The following FITM1 variants were observed in gnomAD, a reference collection of about 807,000 sequenced individuals.
The protein encoded by FITM1 is fat storage-inducing transmembrane protein 1.
Under a neutral mutation model 22.2 loss-of-function variants are expected in FITM1, and 11 were observed. That is an observed-to-expected ratio of 0.50 (90% CI 0.31 to 0.82). The LOEUF is 0.82. FITM1 is among the 40% of genes least tolerant of loss of function. The probability of loss-of-function intolerance (pLI) is 0.04; values close to 1 mark genes in which losing one functional copy is unlikely to be tolerated. For synonymous variants in FITM1, 164 were observed against 174.0 expected, an observed-to-expected ratio of 0.94 and a Z score of 0.45; for missense variants, 394 against 386.4, an observed-to-expected ratio of 1.02 and a Z score of -0.17.
rs1052207890 is a variant in FITM1 at position 24,131,419 on chromosome 14, C to T, written c.-145C>T. On this transcript the variant is annotated 5_prime_UTR_variant, in exon 1 of 2. Coordinates refer to ENST00000267426, the MANE Select transcript of FITM1 (RefSeq NM_203402.3). ...ACCCTGGCCCCTTACTGCCCCCCGCCCCTCTCCCCCACCTGCCAGCTGCCA... is the reference window on the plus strand; with the variant it reads ...ACCCTGGCCCCTTACTGCCCCCCGCTCCTCTCCCCCACCTGCCAGCTGCCA... 12 of 833,302 alleles carry T rather than the reference C, an allele frequency of 1.4e-5. No individual in the cohort carries two copies. Among genetic ancestry groups the T allele is most frequent in the Non-Finnish European group, 2.2e-5 (11 of 505,732 alleles). 51.6% of individuals were successfully genotyped at this position (833,302 alleles called of 1,614,324 possible).
At position 24,132,236 on chromosome 14, in the gene FITM1, T is replaced by A; in HGVS notation, c.292T>A (p.Trp98Arg). Residue 98 changes from tryptophan (W) to arginine (R), a missense_variant, in exon 2 of 2, where the codon TGG becomes AGG. Transcript: ENST00000267426. ...AAAATTTGTGAATTCAGCCTGGGGCTGGACATGCACTTTCTTAGGGGGCTT... is the reference window on the plus strand; with the variant it reads ...AAAATTTGTGAATTCAGCCTGGGGCAGGACATGCACTTTCTTAGGGGGCTT... ...NIKFVNSAWG[W>R]TCTFLGGFVL... The A allele has an allele frequency of 6.2e-7, 1 of 1,612,122 alleles. No homozygotes were observed. Among genetic ancestry groups the A allele is most frequent in the Non-Finnish European group, 8.5e-7 (1 of 1,179,470 alleles).
At position 24,132,752 on chromosome 14, in the gene FITM1, C is replaced by T. The variant is rs1454189068; in HGVS notation, c.808C>T (p.Gln270Ter). The T allele has an allele frequency of 6.2e-7, 1 of 1,613,596 alleles. No homozygotes were observed. Among genetic ancestry groups the T allele is most frequent in the Admixed American group, 1.7e-5 (1 of 59,856 alleles). ...WYLTYGSWYH[Q>*]PWSPGSPGHG... Reference sequence around the variant, plus strand: ...CCTCACCTATGGCAGCTGGTATCATCAGCCCTGGTCTCCAGGGAGCCCAGG... The same window carrying T: ...CCTCACCTATGGCAGCTGGTATCATTAGCCCTGGTCTCCAGGGAGCCCAGG... Residue 270 changes from glutamine to a stop codon, truncating the protein, a stop_gained, in exon 2 of 2, where the codon CAG becomes TAG. Coordinates refer to ENST00000267426, the MANE Select transcript of FITM1 (RefSeq NM_203402.3). LOFTEE classifies it high-confidence loss of function.
At chr14:24,132,157 C>T (rs1489957066) in intron 1 of FITM1, 54 bp from the exon 2 acceptor site, 1 of 1,592,800 alleles carries the variant, frequency 6.3e-7, no homozygotes, top group African/African-American at 1.4e-5. Context: ...GGAGCACAGA[C>T]CAGGGTGGGA....
Position 24,131,157 on chromosome 14 carries a change from A to C in FITM1, c.-407A>C. ...AAAAAACGACTTTCAAGGTTTGGTT[A>C]TTTTTATCTCCATGACCTCTGATTT... On this transcript the variant is annotated 5_prime_UTR_variant, in exon 1 of 2. Transcript: ENST00000267426. 3 of 524,206 alleles carry C rather than the reference A, an allele frequency of 5.7e-6. 1 individual carries two copies. The highest frequency in any genetic ancestry group is 6.0e-5 in the South Asian group (2 of 33,172). 32.5% of individuals were successfully genotyped at this position (524,206 alleles called of 1,614,324 possible). A position where few individuals can be genotyped will look rare whatever the true frequency, so the allele number is the denominator to read the frequency against.
chr14:24,131,578 G>A lies in FITM1; in HGVS notation c.15G>A (p.Pro5=), dbSNP rs754832973. The A allele has an allele frequency of 2.1e-5, 34 of 1,591,850 alleles. No homozygotes were observed. The highest frequency in any genetic ancestry group is 2.7e-5 in the African/African-American group (2 of 74,730). ...GGGGAGGGAACATGGAGCGGGGGCC[G>A]GTGGTGGGGGCAGGACTGGGGGCCG... MERG[P]VVGAGLGAGA... is the part of the protein sequence containing the mutation. Residue 5 remains proline, a synonymous_variant, in exon 1 of 2, where the codon CCG becomes CCA. Transcript: ENST00000267426.
rs1382848155 is a variant in FITM1 at position 24,132,194 on chromosome 14, C to A, written c.267-17C>A. ...ATGGAGCTTGGGGTCTCAATAGTCT[C>A]CCTTCTTTGCCCACAGAAAATTTGT... is the stretch of plus-strand genomic sequence containing the variant. On this transcript the variant is annotated splice_polypyrimidine_tract_variant and intron_variant, in intron 1 of 1. Transcript: ENST00000267426. 6 of 1,606,878 alleles carry A rather than the reference C, an allele frequency of 3.7e-6. No individual in the cohort carries two copies. The East Asian group carries it at 1.1e-4, about 30-fold the overall frequency.
rs372419730 is a variant in FITM1, at chr14:24,131,792, C to T, written c.229C>T (p.Arg77Trp). 3.1e-6 allele frequency: 5 copies of T among 1,607,542 alleles called. No homozygotes were observed. Among genetic ancestry groups the T allele is most frequent in the East Asian group, 2.2e-5 (1 of 44,800 alleles). The change falls in exon 1 of 2, where the codon CGG becomes TGG. Residue 77 changes from arginine to tryptophan, a missense_variant. Coordinates refer to ENST00000267426, the MANE Select transcript of FITM1 (RefSeq NM_203402.3). ...GCTTCTGCAGTTCCATGTCAACCCT[C>T]GGACTATCTTCGCCAGCCACGGCAA... The part of the protein sequence containing the change: ...GPLLQFHVNP[R>W]TIFASHGNFF...
At position 24,132,269 on chromosome 14, in the gene FITM1, C is replaced by T. The variant is rs145488689; in HGVS notation, c.325C>T (p.Leu109=). The change falls in exon 2 of 2, where the codon CTG becomes TTG. Residue 109 remains leucine, a synonymous_variant. Transcript: ENST00000267426. The stretch of plus-strand genomic sequence containing the variant: ...CACTTTCTTAGGGGGCTTTGTGTTG[C>T]TGGTGGTGTTCCTGGCTACACGGCG... ...TCTFLGGFVL[L]VVFLATRRVA... 2.4e-4 allele frequency: 388 copies of T among 1,613,440 alleles called. No individual in the cohort carries two copies. The highest frequency in any genetic ancestry group is 3.1e-4 in the Non-Finnish European group (371 of 1,179,766).
In FITM1 at chr14:24,132,480, G is replaced by A. The variant is rs147303563; in HGVS notation, c.536G>A (p.Arg179Gln). Residue 179 changes from arginine to glutamine, a missense_variant, in exon 2 of 2, where the codon CGA (arginine) becomes CAA (glutamine). Transcript: ENST00000267426. ...RSCLAAGHQW[R>Q]GYTVSSHTFL... ...TGCCTGGCAGCCGGCCACCAGTGGC[G>A]AGGCTACACCGTCTCCTCCCACACC... 5.6e-6 allele frequency: 9 copies of A among 1,604,204 alleles called. No individual in the cohort carries two copies. Among genetic ancestry groups the A allele is most frequent in the African/African-American group, 1.3e-5 (1 of 74,906 alleles).
At position 24,130,799 on chromosome 14, in the gene FITM1, G is replaced by A. The variant is rs539323094; in HGVS notation, c.-765G>A. On this transcript the variant is annotated 5_prime_UTR_variant, in exon 1 of 2. Transcript: ENST00000267426. Reference sequence around the variant, plus strand: ...TCCTGTCTGGCAATTGCCCTTTTAGGGTCTCCTCTACCTCTGTCACCTGGG... The same window carrying A: ...TCCTGTCTGGCAATTGCCCTTTTAGAGTCTCCTCTACCTCTGTCACCTGGG... 2.0e-5 allele frequency among the ~76,000 whole-genome samples: 3 copies of A among 152,222 alleles called. No homozygotes were observed. The East Asian group carries it at 5.8e-4, about 29-fold the overall frequency.
chr14:24,131,838 A>T lies in FITM1; in HGVS notation c.266+9A>T. On this transcript the variant is annotated intron_variant, in intron 1 of 1. Transcript: ENST00000267426. Reference sequence around the variant, plus strand: ...GGCAACTTCTTCAACATGTGAGTCCACTCAAGGCTGTGGGAGCCGGGTCCC... The same window carrying T: ...GGCAACTTCTTCAACATGTGAGTCCTCTCAAGGCTGTGGGAGCCGGGTCCC... 1.9e-6 allele frequency: 3 copies of T among 1,565,756 alleles called. No homozygotes were observed. The highest frequency in any genetic ancestry group is 1.8e-5 in the Admixed American group (1 of 55,720).
chr14:24,131,960 A>T, intron 1 of FITM1, 131 bp downstream of exon 1: 1 of 1,374,106 alleles, frequency 7.3e-7, no homozygotes, highest in Non-Finnish European at 9.6e-7. Flanking sequence ...AGGTCGGGGG[A>T]GGGGGAAGGG....
chr14:24,131,812 C>T lies in FITM1; in HGVS notation c.249C>T (p.His83=), dbSNP rs201977490. The T allele has an allele frequency of 5.7e-6, 9 of 1,591,630 alleles. No homozygotes were observed. Among genetic ancestry groups the T allele is most frequent in the East Asian group, 4.5e-5 (2 of 44,590 alleles). ...ACCCTCGGACTATCTTCGCCAGCCA[C>T]GGCAACTTCTTCAACATGTGAGTCC... The part of the protein sequence containing the change: ...HVNPRTIFAS[H]GNFFNIKFVN... Residue 83 remains histidine (H), a synonymous_variant, in exon 1 of 2, where the codon CAC becomes CAT. Coordinates refer to ENST00000267426, the MANE Select transcript of FITM1 (RefSeq NM_203402.3).
At chr14:24,132,160 G>T (rs1388385924) in intron 1 of FITM1, 51 bp from the exon 2 acceptor site, 1 of 1,595,296 alleles carries the variant, frequency 6.3e-7, no homozygotes. Context: ...GCACAGACCA[G>T]GGTGGGAGAT....
chr14:24,132,097 C>T, intron 1 of FITM1, 114 bp from the exon 2 acceptor site: 2 of 1,449,158 alleles, frequency 1.4e-6, no homozygotes, highest in Non-Finnish European at 1.9e-6. Context: ...AAGGGCACGG[C>T]AAGGAGAGAA....
In FITM1 at chr14:24,132,026, A is replaced by G. The variant is rs900900768; in HGVS notation, c.267-185A>G. On this transcript the variant is annotated intron_variant, in intron 1 of 1. Coordinates refer to ENST00000267426, the MANE Select transcript of FITM1 (RefSeq NM_203402.3). ...GAACAGGACTAAAGAGGAAATATGG[A>G]CCCTGGAATGCTGAATTGTCTTCCA... 1.2e-5 allele frequency: 14 copies of G among 1,184,094 alleles called. No individual in the cohort carries two copies. The African/African-American group carries it at 2.0e-4, about 17-fold the overall frequency. 73.3% of individuals were successfully genotyped at this position (1,184,094 alleles called of 1,614,324 possible).
chr14:24,131,210 G>T lies in FITM1; in HGVS notation c.-354G>T. 2 of 557,696 alleles carry T rather than the reference G, an allele frequency of 3.6e-6. No homozygotes were observed. Among genetic ancestry groups the T allele is most frequent in the Non-Finnish European group, 6.4e-6 (2 of 312,696 alleles). The allele number at this position is 557,696 out of a possible 1,614,324, so 34.5% of individuals were successfully genotyped here. A position where few individuals can be genotyped will look rare whatever the true frequency, so the allele number is the denominator to read the frequency against. On this transcript the variant is annotated 5_prime_UTR_variant, in exon 1 of 2. Transcript: ENST00000267426. ...CTGTGGAGCAAATGGTAAAGTAGGGGTGGGTGGAGAGGGACTTTGGCAGAC... is the reference window on the plus strand; with the variant it reads ...CTGTGGAGCAAATGGTAAAGTAGGGTTGGGTGGAGAGGGACTTTGGCAGAC...
rs760626116 is a variant in FITM1, at chr14:24,131,710, C to A, written c.147C>A (p.Ser49Arg). 1.2e-6 allele frequency: 2 copies of A among 1,614,188 alleles called. No individual in the cohort carries two copies. The highest frequency in any genetic ancestry group is 2.7e-5 in the African/African-American group (2 of 75,078). Residue 49 changes from serine to arginine, a missense_variant, in exon 1 of 2, where the codon AGC (serine) becomes AGA (arginine). Ser to Arg is a moderately radical substitution (Grantham distance 110). Transcript: ENST00000267426. The part of the protein sequence containing the change: ...GSEQAARLLG[S>R]PCLRRLYHAW... ...AACAGGCCGCCCGCCTTCTGGGCAG[C>A]CCCTGCTTACGGCGCCTCTACCATG...
At position 24,132,577 on chromosome 14, in the gene FITM1, G is replaced by C. The variant is rs1292496041; in HGVS notation, c.633G>C (p.Gly211=). The C allele has an allele frequency of 6.2e-7, 1 of 1,609,016 alleles. No homozygotes were observed. The highest frequency in any genetic ancestry group is 8.5e-7 in the Non-Finnish European group (1 of 1,180,028). Residue 211 remains glycine, a synonymous_variant, in exon 2 of 2, where the codon GGG becomes GGC. Transcript: ENST00000267426. ...AAVFAKYLAH[G]LPAGAPLRLV... ...TGTTCGCCAAGTACCTGGCCCATGG[G>C]CTTCCTGCCGGCGCCCCACTGCGCC...
Sources: allele counts gnomAD v4.1 joint callset (sites outside exome capture counted in the v4.1 genomes callset), GRCh38; gene constraint gnomAD v4.1.1; transcripts MANE v1.5; gene names NCBI Gene and HGNC (gene_info 2026-07-23, HGNC 2026-07-21).